GID4: variants seen among roughly 807,000 people sequenced by gnomAD.
The protein encoded by GID4 is GID complex subunit 4 homolog.
GID4 carries 7 observed loss-of-function variants against 32.4 expected under a neutral mutation model. That is an observed-to-expected ratio of 0.22 (90% CI 0.12 to 0.41). The LOEUF is 0.41. Ranked by LOEUF, GID4 falls within the 10% of genes least tolerant of loss-of-function variation. GID4 has a pLI of 1.00. For synonymous variants in GID4, 166 were observed against 170.0 expected (o/e 0.98, Z 0.18); for missense variants, 309 against 400.0 (o/e 0.77, Z 1.94).
chr17:18,047,932 G>A (rs1169986201), intron 2 of GID4, among the ~76,000 whole-genome samples: 2 of 149,626 alleles, frequency 1.3e-5, no homozygotes, highest in Non-Finnish European at 3.0e-5. Context: ...ATGGAGTCTC[G>A]CTCAGTCACC....
chr17:18,057,395 G>T, intron 3 of GID4: 1 of 188,870 alleles, frequency 5.3e-6, no homozygotes, highest in Non-Finnish European at 1.1e-5. Flanking sequence ...TCATGCCATT[G>T]CACTCCAGCC....
chr17:18,059,432 C>G (rs1469954965), intron 4 of GID4, among the ~76,000 whole-genome samples: 2 of 152,162 alleles, frequency 1.3e-5, no homozygotes, highest in Admixed American at 1.3e-4. Flanking sequence ...ATCCTTTTCC[C>G]AGAGCTCAGG....
chr17:18,054,104 T>G lies in GID4; in HGVS notation c.499-23T>G, dbSNP rs368244846. ...AAAACTCTCACTCAACATCTTATTTTGATATTTGGGTTTTTACCATAGGAG... is the reference window on the plus strand; with the variant it reads ...AAAACTCTCACTCAACATCTTATTTGGATATTTGGGTTTTTACCATAGGAG... On this transcript the variant is annotated intron_variant, in intron 2 of 5. Coordinates refer to ENST00000268719, the MANE Select transcript of GID4 (RefSeq NM_024052.5). The G allele has an allele frequency of 4.9e-4, 632 of 1,300,948 alleles. 2 individuals carry two copies. The highest frequency in any genetic ancestry group is 1.5e-3 in the South Asian group (122 of 79,912). The allele number at this position is 1,300,948 out of a possible 1,614,324, so 80.6% of individuals were successfully genotyped here. A position where few individuals can be genotyped will look rare whatever the true frequency, so the allele number is the denominator to read the frequency against.
chr17:18,057,138 A>C lies in GID4; in HGVS notation c.607-1730A>C, dbSNP rs942062928. ...TATATTCAGTCTACATAGGATAAAA[A>C]TGTCTATGTGACACCAGGTGTGGTG... On this transcript the variant is annotated intron_variant, in intron 3 of 5. Transcript: ENST00000268719. The C allele has an allele frequency of 2.9e-6, 4 of 1,361,224 alleles. No individual in the cohort carries two copies. In the African/African-American group the frequency reaches 5.9e-5, roughly 20 times the overall value. The allele number at this position is 1,361,224 out of a possible 1,614,324, so 84.3% of individuals were successfully genotyped here.
rs1469089509 is a variant in GID4, at chr17:18,066,272, G to A, written c.*1029G>A. The A allele has an allele frequency of 6.6e-6, 1 of 152,506 alleles. No homozygotes were observed. Among genetic ancestry groups the A allele is most frequent in the Non-Finnish European group, 1.5e-5 (1 of 68,022 alleles). The allele number at this position is 152,506 out of a possible 1,614,324, so 9.4% of individuals were successfully genotyped here. A position where few individuals can be genotyped will look rare whatever the true frequency, so the allele number is the denominator to read the frequency against. On this transcript the variant is annotated 3_prime_UTR_variant, in exon 6 of 6. Coordinates refer to ENST00000268719, the MANE Select transcript of GID4 (RefSeq NM_024052.5). Reference sequence around the variant, plus strand: ...GTGCTCAACACAAGAACTGTTTTTGGGGCCAGTTTAGCATTTGTGCCGCCT... The same window carrying A: ...GTGCTCAACACAAGAACTGTTTTTGAGGCCAGTTTAGCATTTGTGCCGCCT...
chr17:18,058,310 CATCTGCAG>C (rs1482333517), intron 3 of GID4, among the ~76,000 whole-genome samples: 1 of 152,224 alleles, frequency 6.6e-6, no homozygotes, highest in Non-Finnish European at 1.5e-5. Context: ...GGGACTTAAG[CATCTGCAG>C]ATTTTGGTAT....
intron 2 of GID4, among the ~76,000 whole-genome samples, chr17:18,045,734 A>G (rs925801502): frequency 1.4e-5 from 2 of 147,530 alleles, no homozygotes; most frequent in Admixed American, 1.4e-4. Context: ...ACTAAACATA[A>G]AAAAAAAAAA....
At chr17:18,053,043 T>G (rs2044928669) in intron 2 of GID4, among the ~76,000 whole-genome samples, 1 of 144,376 alleles carries the variant, frequency 6.9e-6, no homozygotes, top group Non-Finnish European at 1.5e-5. Flanking sequence ...GAGACAGAGT[T>G]TCACTCTTAT....
chr17:18,055,567 T>C (rs929648890), intron 3 of GID4, among the ~76,000 whole-genome samples: 3 of 151,858 alleles, frequency 2.0e-5, no homozygotes, highest in Non-Finnish European at 4.4e-5. Context: ...TAGCTCACTA[T>C]AGCCTCAACC....
intron 3 of GID4, chr17:18,057,569 G>A (rs2145568483): frequency 6.5e-6 from 1 of 153,482 alleles, no homozygotes; most frequent in African/African-American, 2.4e-5. Context: ...TAGAAAAGCT[G>A]GAGGAAAAGG....
chr17:18,063,193 C>T (rs939612421), intron 5 of GID4, among the ~76,000 whole-genome samples: 3 of 132,376 alleles, frequency 2.3e-5, no homozygotes, highest in Non-Finnish European at 3.5e-5. Flanking sequence ...GGGCAGATCA[C>T]GAGGTCAGGA....
chr17:18,065,564 A>C lies in GID4; in HGVS notation c.*321A>C, dbSNP rs1597701176. 1 of 332,266 alleles carries C rather than the reference A, an allele frequency of 3.0e-6. No individual in the cohort carries two copies. Among genetic ancestry groups the C allele is most frequent in the African/African-American group, 2.2e-5 (1 of 45,988 alleles). 20.6% of individuals were successfully genotyped at this position (332,266 alleles called of 1,614,324 possible). On this transcript the variant is annotated 3_prime_UTR_variant, in exon 6 of 6. Coordinates refer to ENST00000268719, the MANE Select transcript of GID4 (RefSeq NM_024052.5). ...AAATGCCCATTCCTTCCTCCGTCCC[A>C]CCTCCAGCCGAATAGAAGGTCTGCT... is the stretch of plus-strand genomic sequence containing the variant.
chr17:18,059,735 A>T (rs1273116297), intron 4 of GID4, among the ~76,000 whole-genome samples: 1 of 152,180 alleles, frequency 6.6e-6, no homozygotes, highest in Non-Finnish European at 1.5e-5. Flanking sequence ...TTTCATAAAG[A>T]TGAATCATAT....
intron 1 of GID4, among the ~76,000 whole-genome samples, chr17:18,044,002 T>G (rs2145549046): frequency 6.6e-6 from 1 of 152,294 alleles, no homozygotes; most frequent in Admixed American, 6.5e-5. Flanking sequence ...GTTGGTTAAT[T>G]CAGAGGCCTA....
At chr17:18,046,246 C>T (rs1308827297) in intron 2 of GID4, among the ~76,000 whole-genome samples, 1 of 152,136 alleles carries the variant, frequency 6.6e-6, no homozygotes. Context: ...CTTCTTCTGC[C>T]CCTTCCTGCA....
Position 18,065,201 on chromosome 17 carries a change from C to G in GID4, c.861C>G (p.Thr287=). 6.2e-7 allele frequency: 1 copy of G among 1,613,828 alleles called. No individual in the cohort carries two copies. The highest frequency in any genetic ancestry group is 8.5e-7 in the Non-Finnish European group (1 of 1,179,740). The change falls in exon 6 of 6, where the codon ACC becomes ACG. Residue 287 remains threonine, a synonymous_variant. Coordinates refer to ENST00000268719, the MANE Select transcript of GID4 (RefSeq NM_024052.5). ...SSEWYQSLNL[T]HVPEHSAPIY... ...GCAGGTATCAGTCCCTCAATCTAAC[C>G]CATGTTCCTGAACACAGTGCACCCA...
chr17:18,054,014 G>A, intron 2 of GID4, 113 bp from the exon 3 acceptor site: 2 of 553,184 alleles, frequency 3.6e-6, no homozygotes, highest in South Asian at 5.4e-5. Flanking sequence ...GGATTGTCAG[G>A]TAGCAGTGTC....
intron 2 of GID4, among the ~76,000 whole-genome samples, chr17:18,050,435 C>T (rs544685474): frequency 7.9e-5 from 12 of 152,176 alleles, no homozygotes; most frequent in Non-Finnish European, 1.6e-4. Flanking sequence ...GCGACCTTTC[C>T]GGGGAACCCA....
chr17:18,063,450 T>C (rs773665784), intron 5 of GID4, among the ~76,000 whole-genome samples: 1 of 152,102 alleles, frequency 6.6e-6, no homozygotes, highest in Admixed American at 6.6e-5. Context: ...CCTATATTAA[T>C]AGAGTTGTCT....
Sources: gnomAD v4.1 joint callset for allele counts (sites outside exome capture counted in the v4.1 genomes callset) on GRCh38, gnomAD v4.1.1 for gene constraint, MANE v1.5 for transcripts, NCBI Gene and HGNC (gene_info 2026-07-23, HGNC 2026-07-21) for gene names.